The following EDA variants were observed in gnomAD, a reference collection of about 807,000 sequenced individuals.
EDA encodes ectodysplasin A.
EDA carries 2 observed loss-of-function variants against 23.6 expected under a neutral mutation model. That is an observed-to-expected ratio of 0.08 (90% CI 0.03 to 0.27). The LOEUF is 0.27. Ranked by LOEUF, EDA falls within the 10% of genes least tolerant of loss-of-function variation. The pLI is 1.00. For missense variants in EDA, 229 were observed against 324.2 expected, an observed-to-expected ratio of 0.71 and a Z score of 2.26; for synonymous variants, 131 against 132.0, an observed-to-expected ratio of 0.99 and a Z score of 0.05.
At chrX:69,909,299 T>C (rs1203709421) in intron 1 of EDA, among the ~76,000 whole-genome samples, 1 of 112,034 alleles carries the variant, frequency 8.9e-6, no homozygotes, top group East Asian at 2.8e-4. Context: ...TTGGTTTGTT[T>C]TGTTTTGTTT....
At chrX:69,787,041 T>A (rs368145654) in intron 1 of EDA, among the ~76,000 whole-genome samples, 33,983 of 100,748 alleles carry the variant, frequency 0.34, 6,707 homozygotes, top group Middle Eastern at 0.6. Context: ...TTGACCATTA[T>A]GTAATGGCCT....
At chrX:69,838,866 A>G (rs1291971069) in intron 1 of EDA, among the ~76,000 whole-genome samples, 1 of 111,791 alleles carries the variant, frequency 8.9e-6, no homozygotes, top group African/African-American at 3.2e-5. Flanking sequence ...CAGAACTCTC[A>G]TTTGTTTTAA....
At chrX:69,686,882 A>C (rs745356288) in intron 1 of EDA, among the ~76,000 whole-genome samples, 2 of 111,620 alleles carry the variant, frequency 1.8e-5, no homozygotes, top group South Asian at 7.5e-4. Flanking sequence ...GCTGCTCTCA[A>C]TATTTGTGTA....
intron 1 of EDA, among the ~76,000 whole-genome samples, chrX:69,777,516 A>G (rs1326869647): frequency 1.8e-5 from 2 of 111,376 alleles, no homozygotes; most frequent in African/African-American, 6.5e-5. Context: ...AAGACTATCT[A>G]AGATCCTCTA....
intron 1 of EDA, among the ~76,000 whole-genome samples, chrX:69,718,769 T>C (rs1389941600): frequency 9.0e-6 from 1 of 111,554 alleles, no homozygotes; most frequent in African/African-American, 3.3e-5. Flanking sequence ...TTTTAAATTA[T>C]ATTTTCTTTG....
At chrX:69,693,677 G>T (rs1934775886) in intron 1 of EDA, among the ~76,000 whole-genome samples, 1 of 111,727 alleles carries the variant, frequency 9.0e-6, no homozygotes, top group Non-Finnish European at 1.9e-5. Flanking sequence ...ACTGAGGGTG[G>T]TGAAGACAAT....
At chrX:69,670,996 G>A (rs778902958) in intron 1 of EDA, among the ~76,000 whole-genome samples, 1 of 110,821 alleles carries the variant, frequency 9.0e-6, no homozygotes, top group East Asian at 2.8e-4. Flanking sequence ...CATGTTTTTT[G>A]TGTGTGTCCC....
intron 1 of EDA, among the ~76,000 whole-genome samples, chrX:69,675,234 G>A (rs1286501162): frequency 8.9e-6 from 1 of 111,752 alleles, no homozygotes; most frequent in Non-Finnish European, 1.9e-5. Context: ...GCCCTCCTCA[G>A]CCTCCCAAGG....
At chrX:69,704,377 G>A (rs1160696256) in intron 1 of EDA, among the ~76,000 whole-genome samples, 3 of 111,785 alleles carry the variant, frequency 2.7e-5, no homozygotes, top group African/African-American at 9.8e-5. Flanking sequence ...AAAGCCTCCA[G>A]GTAGCAGAGG....
chrX:69,875,627 T>A (rs144464518), intron 1 of EDA, among the ~76,000 whole-genome samples: 1,642 of 112,005 alleles, frequency 0.015, 22 homozygotes, highest in South Asian at 0.053. Flanking sequence ...AAAACAAAGA[T>A]AAATAAGTGG....
intron 1 of EDA, among the ~76,000 whole-genome samples, chrX:69,648,597 C>T (rs1157512414): frequency 8.9e-6 from 1 of 112,349 alleles, no homozygotes; most frequent in South Asian, 3.7e-4. Context: ...GGCCGCCCCT[C>T]CCCACAGGAG....
At chrX:69,831,882 G>A (rs945870808) in intron 1 of EDA, among the ~76,000 whole-genome samples, 2 of 111,692 alleles carry the variant, frequency 1.8e-5, no homozygotes, top group African/African-American at 6.5e-5. Context: ...ACTTTTTGAT[G>A]CAGCTTTTTT....
intron 1 of EDA, among the ~76,000 whole-genome samples, chrX:69,642,957 A>G (rs1391430563): frequency 9.0e-6 from 1 of 111,655 alleles, no homozygotes; most frequent in African/African-American, 3.3e-5. Flanking sequence ...TGGAAGCTAG[A>G]CATTATTGAA....
chrX:69,749,805 C>A (rs1438835769), intron 1 of EDA: 1 of 110,315 alleles, frequency 9.1e-6, no homozygotes. Context: ...GATAACTTTC[C>A]GTTGACATAG....
At chrX:69,975,824 A>G (rs1372902472) in intron 2 of EDA, among the ~76,000 whole-genome samples, 1 of 110,724 alleles carries the variant, frequency 9.0e-6, no homozygotes, top group African/African-American at 3.4e-5. Flanking sequence ...ATTGGGTTAC[A>G]TAAAAAAAAT....
intron 1 of EDA, among the ~76,000 whole-genome samples, chrX:69,859,037 C>T (rs1035726396): frequency 1.8e-5 from 2 of 111,604 alleles, no homozygotes; most frequent in Admixed American, 1.9e-4. Flanking sequence ...TCATAATATT[C>T]TTTGATGATT....
intron 1 of EDA, among the ~76,000 whole-genome samples, chrX:69,814,285 T>C (rs1463700550): frequency 1.8e-5 from 2 of 112,595 alleles, no homozygotes; most frequent in Non-Finnish European, 3.7e-5. Context: ...TCCTTTTCTA[T>C]GTTTCCCAGA....
rs1286697422 is a variant in EDA at position 69,672,496 on chromosome X, C to T, written c.396+55792C>T. The T allele has an allele frequency of 5.4e-5, 6 of 110,948 alleles. No individual in the cohort carries two copies. The Admixed American group carries it at 5.8e-4, about 11-fold the overall frequency. 9.1% of individuals were successfully genotyped at this position (110,948 alleles called of 1,213,427 possible). ...ATGGCAGAGTCTACGGCCATACCAC[C>T]CTGAATGAGCCTGATCTCGTCTGAT... On this transcript the variant is annotated intron_variant, in intron 1 of 7. Coordinates refer to ENST00000374552, the MANE Select transcript of EDA (RefSeq NM_001399.5).
At chrX:69,932,410 A>G (rs2018610898) in intron 1 of EDA, among the ~76,000 whole-genome samples, 1 of 111,726 alleles carries the variant, frequency 9.0e-6, no homozygotes, top group Non-Finnish European at 1.9e-5. Flanking sequence ...CTTAATCTGG[A>G]GTGTGTTTCA....
Sources: allele counts gnomAD v4.1 joint callset (sites outside exome capture counted in the v4.1 genomes callset), GRCh38; gene constraint gnomAD v4.1.1; transcripts MANE v1.5; gene names NCBI Gene and HGNC (gene_info 2026-07-23, HGNC 2026-07-21).